GRIA2: variants seen among roughly 807,000 people sequenced by gnomAD.
GRIA2 encodes glutamate receptor 2.
In GRIA2, 14 loss-of-function variants were observed where a neutral mutation model predicts 97.3. The ratio of observed to expected loss-of-function variants is 0.14; its 90% CI spans 0.10 to 0.23. The LOEUF is 0.23. GRIA2 is among the 10% of genes least tolerant of loss of function. The probability of loss-of-function intolerance (pLI) is 1.00; values close to 1 mark genes in which losing one functional copy is unlikely to be tolerated. For missense variants in GRIA2, 558 were observed against 1,069.8 expected (o/e 0.52, Z 6.67); for synonymous variants, 412 against 387.8 (o/e 1.06, Z -0.73).
At chr4:157,224,881 C>CTATCTAATGACATTATA in intron 2 of GRIA2, among the ~76,000 whole-genome samples, 1 of 152,160 alleles carries the variant, frequency 6.6e-6, no homozygotes, top group South Asian at 2.1e-4. Flanking sequence ...AGGAATTTTG[C>CTATCTAATGACATTATA]TATCTAATGA....
At chr4:157,294,098 G>A (rs1181352389) in intron 2 of GRIA2, among the ~76,000 whole-genome samples, 1 of 151,984 alleles carries the variant, frequency 6.6e-6, no homozygotes, top group Non-Finnish European at 1.5e-5. Flanking sequence ...AGAAAGTTCT[G>A]TGAAACCTTC....
At chr4:157,363,230 C>A in intron 15 of GRIA2, 183 bp downstream of exon 15, 2 of 701,434 alleles carry the variant, frequency 2.9e-6, no homozygotes, top group Non-Finnish European at 2.3e-6. Flanking sequence ...TTTAATGGCA[C>A]AGTAGCTTGG....
At chr4:157,231,010 C>G (rs550054063) in intron 2 of GRIA2, among the ~76,000 whole-genome samples, 1 of 151,872 alleles carries the variant, frequency 6.6e-6, no homozygotes, top group African/African-American at 2.4e-5. Flanking sequence ...CATGCCATCA[C>G]GCTGAGCTAA....
intron 2 of GRIA2, among the ~76,000 whole-genome samples, chr4:157,285,295 C>A (rs538605578): frequency 6.6e-6 from 1 of 151,468 alleles, no homozygotes; most frequent in East Asian, 1.9e-4. Flanking sequence ...CTTTAGATAA[C>A]CACAATTCTA....
chr4:157,274,636 C>G (rs193089912), intron 2 of GRIA2, among the ~76,000 whole-genome samples: 2 of 150,712 alleles, frequency 1.3e-5, no homozygotes, highest in African/African-American at 4.9e-5. Context: ...TTTGTCCTTG[C>G]GATAGTTTGC....
intron 2 of GRIA2, among the ~76,000 whole-genome samples, chr4:157,289,820 A>G (rs1444027629): frequency 6.6e-6 from 1 of 151,794 alleles, no homozygotes; most frequent in African/African-American, 2.4e-5. Flanking sequence ...AAAGCTAGAG[A>G]GATTATTTTT....
chr4:157,308,757 G>A (rs753723500), intron 3 of GRIA2, among the ~76,000 whole-genome samples: 59 of 152,304 alleles, frequency 3.9e-4, no homozygotes, highest in Middle Eastern at 3.4e-3. Flanking sequence ...GCTAGTTTGT[G>A]TGGAAGGAAT....
chr4:157,269,205 A>G (rs1481175890), intron 2 of GRIA2, among the ~76,000 whole-genome samples: 1 of 152,056 alleles, frequency 6.6e-6, no homozygotes, highest in African/African-American at 2.4e-5. Flanking sequence ...AAAATTGTGG[A>G]AGACATGGAA....
intron 2 of GRIA2, among the ~76,000 whole-genome samples, chr4:157,270,743 T>C (rs539141038): frequency 1.4e-3 from 211 of 152,070 alleles, no homozygotes; most frequent in African/African-American, 4.8e-3. Flanking sequence ...GCTGGGAACA[T>C]TGGGCCCAGA....
intron 2 of GRIA2, among the ~76,000 whole-genome samples, chr4:157,288,595 T>C (rs1280705617): frequency 1.3e-5 from 2 of 151,826 alleles, no homozygotes. Context: ...CCTTTATGAG[T>C]ATCAAAATTA....
At chr4:157,274,460 G>T (rs1040759129) in intron 2 of GRIA2, among the ~76,000 whole-genome samples, 2 of 151,284 alleles carry the variant, frequency 1.3e-5, no homozygotes, top group Non-Finnish European at 2.9e-5. Flanking sequence ...TTGGTGTGCT[G>T]CACCCATTAA....
intron 2 of GRIA2, among the ~76,000 whole-genome samples, chr4:157,236,793 C>T (rs1413204514): frequency 1.3e-5 from 2 of 152,066 alleles, no homozygotes; most frequent in African/African-American, 4.8e-5. Context: ...TGTGCATAAA[C>T]ACACCTGTTC....
At chr4:157,291,290 G>T (rs1462891629) in intron 2 of GRIA2, among the ~76,000 whole-genome samples, 1 of 151,698 alleles carries the variant, frequency 6.6e-6, no homozygotes, top group Non-Finnish European at 1.5e-5. Flanking sequence ...CCATCTTCTG[G>T]CCTTTACTAA....
intron 2 of GRIA2, among the ~76,000 whole-genome samples, chr4:157,301,899 G>T (rs1733631402): frequency 2.0e-5 from 3 of 152,104 alleles, no homozygotes; most frequent in Middle Eastern, 3.4e-3. Context: ...ATTTGGCCAG[G>T]CATGGTGGCT....
intron 2 of GRIA2, among the ~76,000 whole-genome samples, chr4:157,298,381 A>G (rs919979932): frequency 6.6e-6 from 1 of 152,130 alleles, no homozygotes; most frequent in Non-Finnish European, 1.5e-5. Flanking sequence ...GATGACATGC[A>G]TAGGACAAGA....
intron 12 of GRIA2, among the ~76,000 whole-genome samples, chr4:157,354,874 T>G (rs1736178454): frequency 6.6e-6 from 1 of 152,278 alleles, no homozygotes; most frequent in Non-Finnish European, 1.5e-5. Flanking sequence ...ATATGTCATA[T>G]GTAGCATTAG....
intron 12 of GRIA2, among the ~76,000 whole-genome samples, chr4:157,350,629 A>G (rs534902405): frequency 5.3e-5 from 8 of 151,494 alleles, no homozygotes; most frequent in African/African-American, 1.7e-4. Context: ...CAATCACACC[A>G]TTGTCTATTA....
chr4:157,314,851 T>A (rs1734240897), intron 4 of GRIA2, among the ~76,000 whole-genome samples: 1 of 152,144 alleles, frequency 6.6e-6, no homozygotes, highest in Non-Finnish European at 1.5e-5. Context: ...CAAACATTTA[T>A]TGAGGCCATG....
chr4:157,256,243 T>TTAC (rs1731260238), intron 2 of GRIA2, among the ~76,000 whole-genome samples: 2 of 82,152 alleles, frequency 2.4e-5, no homozygotes, highest in African/African-American at 5.3e-5. Context: ...AATATATATA[T>TTAC]ATAATATATA....
Sources: gnomAD v4.1 joint callset for allele counts (sites outside exome capture counted in the v4.1 genomes callset) on GRCh38, gnomAD v4.1.1 for gene constraint, MANE v1.5 for transcripts, NCBI Gene and HGNC (gene_info 2026-07-23, HGNC 2026-07-21) for gene names.